AFF3: variants seen among roughly 807,000 people sequenced by gnomAD.
The protein encoded by AFF3 is AF4/FMR2 family member 3.
A neutral mutation model predicts 129.7 loss-of-function variants in AFF3; 32 were observed. That is an observed-to-expected ratio of 0.25 (90% confidence interval 0.19 to 0.33). The LOEUF is 0.33. Ranked by LOEUF, AFF3 falls within the 10% of genes least tolerant of loss-of-function variation. The pLI is 1.00. For missense variants in AFF3, 1,373 were observed against 1,592.0 expected, an observed-to-expected ratio of 0.86 and a Z score of 2.34; for synonymous variants, 644 against 635.4, an observed-to-expected ratio of 1.01 and a Z score of -0.20.
chr2:99,584,046 C>T (rs1183686707), intron 16 of AFF3, among the ~76,000 whole-genome samples: 1 of 152,142 alleles, frequency 6.6e-6, no homozygotes, highest in Non-Finnish European at 1.5e-5. Context: ...CTCATCTGAG[C>T]TTGTACTAAA....
At chr2:100,054,361 T>C (rs1460197794) in intron 4 of AFF3, among the ~76,000 whole-genome samples, 1 of 152,206 alleles carries the variant, frequency 6.6e-6, no homozygotes, top group Non-Finnish European at 1.5e-5. Context: ...TCAATCTGAG[T>C]AAAGCAGGTT....
intron 14 of AFF3, among the ~76,000 whole-genome samples, chr2:99,595,759 T>C (rs1679225093): frequency 6.6e-6 from 1 of 151,956 alleles, no homozygotes; most frequent in East Asian, 1.9e-4. Context: ...CTTGGCTGAG[T>C]CCGGGCACAA....
At chr2:99,845,131 T>C (rs1689630433) in intron 7 of AFF3, among the ~76,000 whole-genome samples, 2 of 152,212 alleles carry the variant, frequency 1.3e-5, no homozygotes, top group Non-Finnish European at 2.9e-5. Flanking sequence ...TCATTAAAAT[T>C]AGGCTTATAT....
At chr2:100,117,730 C>T (rs1447009122) in intron 2 of AFF3, among the ~76,000 whole-genome samples, 1 of 152,136 alleles carries the variant, frequency 6.6e-6, no homozygotes, top group Admixed American at 6.5e-5. Flanking sequence ...CATTTGAGAC[C>T]TAGGGTGATA....
chr2:99,805,366 T>C (rs1403027313), intron 8 of AFF3, among the ~76,000 whole-genome samples: 1 of 152,144 alleles, frequency 6.6e-6, no homozygotes, highest in East Asian at 1.9e-4. Flanking sequence ...ACATTGGTGG[T>C]ATTATGATAA....
chr2:99,583,444 A>C (rs1297317928), intron 16 of AFF3, among the ~76,000 whole-genome samples: 1 of 152,178 alleles, frequency 6.6e-6, no homozygotes, highest in Non-Finnish European at 1.5e-5. Flanking sequence ...GAGCAGTGGC[A>C]GGATCTTGGC....
chr2:99,882,383 AGAGG>A (rs1692792241), intron 7 of AFF3, among the ~76,000 whole-genome samples: 1 of 152,236 alleles, frequency 6.6e-6, no homozygotes, highest in South Asian at 2.1e-4. Context: ...GAAATATCCC[AGAGG>A]GAGGGTAGAA....
chr2:100,138,648 A>G (rs1357930223), intron 1 of AFF3, among the ~76,000 whole-genome samples: 1 of 152,208 alleles, frequency 6.6e-6, no homozygotes, highest in Non-Finnish European at 1.5e-5. Context: ...GTGAAATCTT[A>G]AAAGATACCA....
At chr2:99,913,253 T>A (rs1196554988) in intron 7 of AFF3, among the ~76,000 whole-genome samples, 1 of 152,240 alleles carries the variant, frequency 6.6e-6, no homozygotes, top group East Asian at 1.9e-4. Flanking sequence ...TTTCACAATG[T>A]TAGCAATTTT....
intron 7 of AFF3, among the ~76,000 whole-genome samples, chr2:99,871,777 T>C (rs934787511): frequency 6.6e-6 from 1 of 152,122 alleles, no homozygotes; most frequent in African/African-American, 2.4e-5. Context: ...ACCTGTCAGG[T>C]GCTATGTTCA....
Position 99,593,824 on chromosome 2 carries a change from C to G in AFF3, c.1837G>C (p.Ala613Pro). The G allele has an allele frequency of 1.2e-6, 2 of 1,606,572 alleles. No individual in the cohort carries two copies. Among genetic ancestry groups the G allele is most frequent in the Non-Finnish European group, 1.7e-6 (2 of 1,177,346 alleles). The change falls in exon 15 of 25, where the codon GCG (alanine) becomes CCG (proline). Residue 613 changes from alanine (A) to proline (P), a missense_variant. By Grantham distance (27) the Ala-to-Pro change is conservative. This residue lies in a region of AFF3 where 466 missense variants were observed against 505.0 expected (regional missense o/e 0.92). Coordinates refer to ENST00000672756, the MANE Select transcript of AFF3 (RefSeq NM_001386135.1). ...HRPEEPAAAD[A>P]LGTSVVVPPE... is the part of the protein sequence containing the mutation. The stretch of plus-strand genomic sequence containing the variant: ...GGGACCACCACGCTCGTCCCCAGCG[C>G]GTCCGCGGCCGCGGGCTCCTCGGGC...
intron 4 of AFF3, 123 bp from the exon 5 acceptor site, chr2:100,009,055 G>T (rs780568714): frequency 1.5e-6 from 2 of 1,325,424 alleles, no homozygotes; most frequent in Middle Eastern, 1.9e-4. Context: ...ACAAGAACAT[G>T]GATGAGACAA....
chr2:100,118,680 G>T (rs1691825379), intron 2 of AFF3, among the ~76,000 whole-genome samples: 1 of 151,862 alleles, frequency 6.6e-6, no homozygotes, highest in African/African-American at 2.4e-5. Flanking sequence ...ATCATTTTTG[G>T]CCCCTGGGAA....
intron 7 of AFF3, among the ~76,000 whole-genome samples, chr2:99,934,303 C>A (rs1174710761): frequency 6.6e-6 from 1 of 152,104 alleles, no homozygotes; most frequent in African/African-American, 2.4e-5. Context: ...ACTGACCCGA[C>A]AAATGGGCAT....
intron 4 of AFF3, among the ~76,000 whole-genome samples, chr2:100,010,378 G>A (rs189068699): frequency 5.9e-5 from 9 of 152,276 alleles, no homozygotes; most frequent in Admixed American, 2.0e-4. Flanking sequence ...AGCTCTGCCC[G>A]TGTGGCTGGG....
intron 8 of AFF3, among the ~76,000 whole-genome samples, chr2:99,826,936 G>A (rs1262805838): frequency 6.6e-6 from 1 of 152,040 alleles, no homozygotes; most frequent in East Asian, 1.9e-4. Context: ...ATAGCTGGAG[G>A]TAAAGAGAAG....
At chr2:99,640,697 C>A (rs1684114899) in intron 13 of AFF3, among the ~76,000 whole-genome samples, 1 of 151,964 alleles carries the variant, frequency 6.6e-6, no homozygotes, top group South Asian at 2.1e-4. Flanking sequence ...GGTCTTACTG[C>A]ATTCAATAAG....
chr2:100,018,925 A>G (rs568204132), intron 4 of AFF3, among the ~76,000 whole-genome samples: 48 of 152,260 alleles, frequency 3.2e-4, no homozygotes, highest in African/African-American at 1.1e-3. Flanking sequence ...GCTCAGTTAA[A>G]TTTCATTTTC....
At chr2:99,818,969 C>T (rs559694625) in intron 8 of AFF3, among the ~76,000 whole-genome samples, 1 of 152,218 alleles carries the variant, frequency 6.6e-6, no homozygotes, top group Admixed American at 6.5e-5. Flanking sequence ...TAAATAAGCA[C>T]ATTGTATTTA....
Sources: gnomAD v4.1 joint callset for allele counts (sites outside exome capture counted in the v4.1 genomes callset) on GRCh38, gnomAD v4.1.1 for gene constraint, gnomAD v4.1.1 regional missense constraint, MANE v1.5 for transcripts, NCBI Gene and HGNC (gene_info 2026-07-23, HGNC 2026-07-21) for gene names.